Variants in UCHL3 observed in about 807,000 individuals in gnomAD.
UCHL3 encodes the protein ubiquitin C-terminal hydrolase L3, also known as ubiquitin carboxyl-terminal hydrolase isozyme L3.
UCHL3 carries 22 observed loss-of-function variants against 35.8 expected under a neutral mutation model. That is an observed-to-expected ratio of 0.61 (90% confidence interval 0.44 to 0.88). The LOEUF (loss-of-function observed/expected upper bound fraction) is 0.88. UCHL3 is among the 40% of genes least tolerant of loss of function. UCHL3 has a pLI of 0.00. For synonymous variants in UCHL3, 90 were observed against 92.8 expected (o/e 0.97, Z 0.17); for missense variants, 229 against 276.9 (o/e 0.83, Z 1.23).
At chr13:75,554,394 C>A in intron 2 of UCHL3, among the ~76,000 whole-genome samples, 1 of 152,184 alleles carries the variant, frequency 6.6e-6, no homozygotes, top group Non-Finnish European at 1.5e-5. Context: ...AGAACAATGT[C>A]TTGAACAAAG....
At chr13:75,571,038 T>C (rs2031839974) in intron 6 of UCHL3, among the ~76,000 whole-genome samples, 1 of 152,194 alleles carries the variant, frequency 6.6e-6, no homozygotes, top group African/African-American at 2.4e-5. Context: ...AACACCAGAT[T>C]GGAAATTAAT....
chr13:75,554,553 T>C (rs142455646), intron 2 of UCHL3, among the ~76,000 whole-genome samples: 79 of 152,328 alleles, frequency 5.2e-4, no homozygotes, highest in African/African-American at 1.8e-3. Flanking sequence ...GCTGCCACAG[T>C]GCAAGCCACC....
At chr13:75,604,857 A>G in intron 8 of UCHL3, 30 bp downstream of exon 8, 1 of 1,561,942 alleles carries the variant, frequency 6.4e-7, no homozygotes, top group Non-Finnish European at 8.7e-7. Context: ...GCCCATCTTC[A>G]TCAATATTTT....
chr13:75,571,948 C>A (rs1435007451), intron 6 of UCHL3, among the ~76,000 whole-genome samples: 1 of 145,140 alleles, frequency 6.9e-6, no homozygotes, highest in Non-Finnish European at 1.5e-5. Context: ...GGCTCTTTAA[C>A]CCAGCTGTAT....
At chr13:75,599,197 C>T (rs943538903) in intron 7 of UCHL3, among the ~76,000 whole-genome samples, 2 of 149,830 alleles carry the variant, frequency 1.3e-5, no homozygotes, top group Non-Finnish European at 2.9e-5. Context: ...TCTTGAACTC[C>T]TGGGCTCAAT....
chr13:75,573,362 A>AT (rs1007328221), intron 6 of UCHL3, among the ~76,000 whole-genome samples: 1 of 151,666 alleles, frequency 6.6e-6, no homozygotes, highest in African/African-American at 2.4e-5. Context: ...CAGCCTACTG[A>AT]TTTTTTTGTC....
At chr13:75,549,566 G>C (rs1342953196), upstream of UCHL3, 1 of 459,928 alleles carries the variant, frequency 2.2e-6, no homozygotes, top group Non-Finnish European at 3.8e-6. Flanking sequence ...TTCAGATACT[G>C]TTTTTCTCCC....
chr13:75,567,317 G>A lies in UCHL3; in HGVS notation c.426+5G>A. On this transcript the variant is annotated splice_donor_5th_base_variant and intron_variant, in intron 5 of 8. Coordinates refer to ENST00000377595, the MANE Select transcript of UCHL3 (RefSeq NM_006002.5). ...AGATACCTGGAGAACTATGATGTCG[G>A]TACCTTCTTTCCGTTTTGATCTCAT... is the stretch of plus-strand genomic sequence containing the variant. The A allele has an allele frequency of 6.2e-7, 1 of 1,613,746 alleles. No homozygotes were observed. The highest frequency in any genetic ancestry group is 8.5e-7 in the Non-Finnish European group (1 of 1,179,774).
At chr13:75,595,912 A>T (rs989667451) in intron 7 of UCHL3, among the ~76,000 whole-genome samples, 3 of 152,058 alleles carry the variant, frequency 2.0e-5, no homozygotes, top group African/African-American at 7.2e-5. Flanking sequence ...AATACTTATT[A>T]TGACTTCTTC....
intron 2 of UCHL3, among the ~76,000 whole-genome samples, chr13:75,552,032 A>G (rs2031127626): frequency 6.6e-6 from 1 of 151,918 alleles, no homozygotes; most frequent in Non-Finnish European, 1.5e-5. Flanking sequence ...AATACATGGA[A>G]TAGTGACAGG....
intron 6 of UCHL3, 90 bp downstream of exon 6, chr13:75,569,597 C>T: frequency 1.6e-6 from 2 of 1,234,278 alleles, no homozygotes; most frequent in Non-Finnish European, 2.2e-6. Flanking sequence ...TATTGTAGGA[C>T]ATAAAGTTTT....
At chr13:75,549,748 G>A (rs1008656716), upstream of UCHL3, 18 of 1,447,668 alleles carry the variant, frequency 1.2e-5, no homozygotes, top group Admixed American at 2.7e-5. Context: ...CCAGGTCAAG[G>A]CGCGCGTGGG....
At chr13:75,576,903 T>C (rs2032039959) in intron 6 of UCHL3, among the ~76,000 whole-genome samples, 1 of 152,186 alleles carries the variant, frequency 6.6e-6, no homozygotes, top group Admixed American at 6.5e-5. Context: ...TGTATACAGT[T>C]GGCCCGCTGT....
intron 2 of UCHL3, among the ~76,000 whole-genome samples, chr13:75,550,345 T>C (rs2031041751): frequency 6.6e-6 from 1 of 152,174 alleles, no homozygotes; most frequent in Admixed American, 6.5e-5. Flanking sequence ...ACCTTTTGGA[T>C]GACTAATTTG....
At chr13:75,549,626 A>C (rs1485597563), upstream of UCHL3, 16 of 499,212 alleles carry the variant, frequency 3.2e-5, no homozygotes, top group Admixed American at 3.7e-4. Flanking sequence ...TCTTAATTTA[A>C]AATATGACAC....
intron 6 of UCHL3, among the ~76,000 whole-genome samples, chr13:75,583,569 T>C (rs1348721096): frequency 6.6e-6 from 1 of 152,216 alleles, no homozygotes. Context: ...GCACTTGATA[T>C]TAGCTATTAT....
intron 2 of UCHL3, among the ~76,000 whole-genome samples, chr13:75,552,303 T>C (rs577556320): frequency 6.8e-4 from 104 of 152,320 alleles, no homozygotes; most frequent in African/African-American, 2.3e-3. Context: ...GACTTAGAAT[T>C]TGGAGAATGA....
chr13:75,599,343 T>G (rs2032721865), intron 7 of UCHL3, among the ~76,000 whole-genome samples: 1 of 152,136 alleles, frequency 6.6e-6, no homozygotes. Flanking sequence ...CATTCTGTTC[T>G]TTTATGTATG....
intron 6 of UCHL3, among the ~76,000 whole-genome samples, chr13:75,593,197 T>C (rs2032557743): frequency 6.6e-6 from 1 of 152,194 alleles, no homozygotes; most frequent in African/African-American, 2.4e-5. Context: ...AAAGGAAGAC[T>C]CTTTCCTAGG....
Sources: gnomAD v4.1 joint callset for allele counts (sites outside exome capture counted in the v4.1 genomes callset) on GRCh38, gnomAD v4.1.1 for gene constraint, MANE v1.5 for transcripts, NCBI Gene and HGNC (gene_info 2026-07-23, HGNC 2026-07-21) for gene names.